SENP5: variants seen among roughly 807,000 people sequenced by gnomAD.
SENP5 encodes sentrin-specific protease 5.
Under a neutral mutation model 74.2 loss-of-function variants are expected in SENP5, and 21 were observed. The ratio of observed to expected loss-of-function variants is 0.28; its 90% CI spans 0.20 to 0.41. The LOEUF (loss-of-function observed/expected upper bound fraction) is 0.41, where lower values mean the gene tolerates loss of function less well. Among genes scored for constraint, SENP5 ranks in the 10% least tolerant of loss-of-function variants. The pLI is 1.00. For missense variants in SENP5, 717 were observed against 889.1 expected, an observed-to-expected ratio of 0.81 and a Z score of 2.46; for synonymous variants, 311 against 312.7, an observed-to-expected ratio of 0.99 and a Z score of 0.06.
chr3:196,898,130 A>T (rs1714526374), intron 2 of SENP5, among the ~76,000 whole-genome samples: 1 of 150,972 alleles, frequency 6.6e-6, no homozygotes, highest in African/African-American at 2.4e-5. Context: ...GTGAGCCGAA[A>T]TCGCACCATT....
chr3:196,915,849 G>T (rs562593937), intron 6 of SENP5, among the ~76,000 whole-genome samples: 1 of 152,308 alleles, frequency 6.6e-6, no homozygotes, highest in Admixed American at 6.5e-5. Flanking sequence ...TGGGCTTGGG[G>T]CTCCCTGTAG....
intron 6 of SENP5, among the ~76,000 whole-genome samples, chr3:196,908,414 C>T (rs781762752): frequency 6.6e-6 from 1 of 152,286 alleles, no homozygotes; most frequent in East Asian, 1.9e-4. Flanking sequence ...AGACAATGTA[C>T]CAGAATCTCT....
At chr3:196,912,964 TGAAATAGAATTTAAGGTGAGA>T (rs1715198262) in intron 6 of SENP5, 1 of 152,216 alleles carries the variant, frequency 6.6e-6, no homozygotes, top group African/African-American at 2.4e-5. Flanking sequence ...TAATAGCAGT[TGAAATAGAATTTAAGGTGAGA>T]AGCAAATTGT....
chr3:196,930,945 A>G lies in SENP5; in HGVS notation c.*22A>G. The G allele has an allele frequency of 6.8e-7, 1 of 1,461,450 alleles. No individual in the cohort carries two copies. The highest frequency in any genetic ancestry group is 1.1e-5 in the South Asian group (1 of 87,892). The allele number at this position is 1,461,450 out of a possible 1,614,324, so 90.5% of individuals were successfully genotyped here. A position where few individuals can be genotyped will look rare whatever the true frequency, so the allele number is the denominator to read the frequency against. On this transcript the variant is annotated 3_prime_UTR_variant, in exon 10 of 10. Transcript: ENST00000323460. ...CTGAAACTCAGCAGGGACTCTGGGAAGTCTGACCAAGTTGGAGCAGATGGT... is the reference window on the plus strand; with the variant it reads ...CTGAAACTCAGCAGGGACTCTGGGAGGTCTGACCAAGTTGGAGCAGATGGT...
chr3:196,881,685 T>C (rs1459105614), intron 1 of SENP5, among the ~76,000 whole-genome samples: 5 of 147,548 alleles, frequency 3.4e-5, no homozygotes, highest in African/African-American at 5.4e-5. Flanking sequence ...GTTGCAAATA[T>C]TTTTTTCTAA....
At chr3:196,888,570 C>T (rs140266377) in intron 2 of SENP5, among the ~76,000 whole-genome samples, 2 of 147,460 alleles carry the variant, frequency 1.4e-5, no homozygotes, top group East Asian at 2.0e-4. Flanking sequence ...GGCGACAGAG[C>T]GAGACTCTCT....
At position 196,885,134 on chromosome 3, in the gene SENP5, A is replaced by G; in HGVS notation, c.-31-17A>G. ...TTATTTTTAGATAGAAATATAACTT[A>G]CTTCTCTTCTTTACAGCTGCATCCA... On this transcript the variant is annotated splice_polypyrimidine_tract_variant and intron_variant, in intron 1 of 9. Transcript: ENST00000323460. 1.4e-6 allele frequency: 2 copies of G among 1,410,542 alleles called. No homozygotes were observed. Among genetic ancestry groups the G allele is most frequent in the African/African-American group, 1.4e-5 (1 of 69,492 alleles). 87.4% of individuals were successfully genotyped at this position (1,410,542 alleles called of 1,614,324 possible).
intron 6 of SENP5, chr3:196,914,353 C>T (rs916894789): frequency 6.6e-6 from 1 of 151,394 alleles, no homozygotes; most frequent in Non-Finnish European, 1.5e-5. Flanking sequence ...TGTTAAATAT[C>T]TTGTGTGTTC....
At position 196,927,869 on chromosome 3, in the gene SENP5, C is replaced by A; in HGVS notation, c.2096C>A (p.Ala699Asp). 6.2e-7 allele frequency: 1 copy of A among 1,606,608 alleles called. No individual in the cohort carries two copies. Among genetic ancestry groups the A allele is most frequent in the Non-Finnish European group, 8.5e-7 (1 of 1,173,256 alleles). Residue 699 changes from alanine (A) to aspartate (D), a missense_variant, in exon 8 of 10, where the codon GCT becomes GAT. Transcript: ENST00000323460. ...GAATTTCTTCAGGGTTGGCAGACTG[C>A]TGTTACGAAGGTAAGTATGTGATAA... ...RPEFLQGWQT[A>D]VTKCIPQQKN...
At chr3:196,874,960 G>A (rs1181633590) in intron 1 of SENP5, among the ~76,000 whole-genome samples, 1 of 152,072 alleles carries the variant, frequency 6.6e-6, no homozygotes, top group Non-Finnish European at 1.5e-5. Context: ...CTTTCTAGGT[G>A]ATCTTATCAT....
Position 196,932,064 on chromosome 3 carries a change from A to T in SENP5, c.*1141A>T, listed in dbSNP as rs1716056933. The T allele has an allele frequency of 1.4e-5, 4 of 282,594 alleles. No homozygotes were observed. Among genetic ancestry groups the T allele is most frequent in the Non-Finnish European group, 2.8e-5 (4 of 142,526 alleles). The allele number at this position is 282,594 out of a possible 1,614,324, so 17.5% of individuals were successfully genotyped here. A position where few individuals can be genotyped will look rare whatever the true frequency, so the allele number is the denominator to read the frequency against. Reference sequence around the variant, plus strand: ...GCATGGCCAGTGCTGACACTAGCACAGCTGTTCTTCTCCTTCTGTTGAACC... The same window carrying T: ...GCATGGCCAGTGCTGACACTAGCACTGCTGTTCTTCTCCTTCTGTTGAACC... On this transcript the variant is annotated 3_prime_UTR_variant, in exon 10 of 10. Coordinates refer to ENST00000323460, the MANE Select transcript of SENP5 (RefSeq NM_152699.5).
chr3:196,874,046 A>G (rs928851509), intron 1 of SENP5, among the ~76,000 whole-genome samples: 2 of 150,598 alleles, frequency 1.3e-5, no homozygotes, highest in African/African-American at 4.9e-5. Context: ...CACACCTGTA[A>G]TCTTAGGTAC....
Position 196,900,465 on chromosome 3 carries a change from G to C in SENP5, c.1806+53G>C, listed in dbSNP as rs551358212. The stretch of plus-strand genomic sequence containing the variant: ...AGAGAGTGTTCTTGTGTATTAAAAT[G>C]AGTAGTTTTTTTGTTTTTACATTTG... On this transcript the variant is annotated intron_variant, in intron 5 of 9. Transcript: ENST00000323460. The C allele has an allele frequency of 1.4e-5, 20 of 1,415,018 alleles. No individual in the cohort carries two copies. In the East Asian group the frequency reaches 4.7e-4, roughly 33 times the overall value. The allele number at this position is 1,415,018 out of a possible 1,614,324, so 87.7% of individuals were successfully genotyped here.
chr3:196,883,621 A>ACTC (rs949665821), intron 1 of SENP5, among the ~76,000 whole-genome samples: 22 of 149,732 alleles, frequency 1.5e-4, no homozygotes, highest in African/African-American at 5.4e-4. Flanking sequence ...CACCACCCAT[A>ACTC]CTCCTGACTT....
chr3:196,886,622 C>A lies in SENP5; in HGVS notation c.1441C>A (p.Gln481Lys). 6.2e-7 allele frequency: 1 copy of A among 1,610,002 alleles called. No individual in the cohort carries two copies. ...LVCSGLKLEN[Q>K]VGGGKNSQKA... is the part of the protein sequence containing the mutation. ...GTGCAGTGGACTCAAACTAGAAAAT[C>A]AAGTAGGAGGTGGAAAGAACAGTCA... The change falls in exon 2 of 10, where the codon CAA becomes AAA. Residue 481 changes from glutamine (Q) to lysine (K), a missense_variant. Transcript: ENST00000323460.
intron 1 of SENP5, among the ~76,000 whole-genome samples, chr3:196,879,678 C>T (rs1045833379): frequency 6.6e-6 from 1 of 152,064 alleles, no homozygotes; most frequent in East Asian, 1.9e-4. Context: ...CCATATTTGC[C>T]AGAGTACCTT....
chr3:196,920,551 G>A (rs1715575699), intron 6 of SENP5, among the ~76,000 whole-genome samples: 2 of 152,142 alleles, frequency 1.3e-5, no homozygotes, highest in Non-Finnish European at 2.9e-5. Flanking sequence ...GCTAAGACTG[G>A]CTGCAGTGTT....
At chr3:196,883,202 T>C (rs1713804799) in intron 1 of SENP5, among the ~76,000 whole-genome samples, 1 of 152,204 alleles carries the variant, frequency 6.6e-6, no homozygotes, top group Non-Finnish European at 1.5e-5. Flanking sequence ...TTACCTGCCA[T>C]GTGGAGTTAA....
At chr3:196,916,369 C>T (rs1045089777) in intron 6 of SENP5, among the ~76,000 whole-genome samples, 3 of 151,898 alleles carry the variant, frequency 2.0e-5, no homozygotes, top group African/African-American at 7.3e-5. Flanking sequence ...AACATGACTT[C>T]ACCAAACTAA....
Sources: gnomAD v4.1 joint callset for allele counts (sites outside exome capture counted in the v4.1 genomes callset) on GRCh38, gnomAD v4.1.1 for gene constraint, MANE v1.5 for transcripts, NCBI Gene and HGNC (gene_info 2026-07-23, HGNC 2026-07-21) for gene names.